SEC16A: variants seen among roughly 807,000 people sequenced by gnomAD.
SEC16A encodes the protein protein transport protein Sec16A.
SEC16A carries 110 observed loss-of-function variants against 221.9 expected under a neutral mutation model. That is an observed-to-expected ratio of 0.50 (90% CI 0.42 to 0.58). SEC16A has a LOEUF of 0.58. Among genes scored for constraint, SEC16A ranks in the 20% least tolerant of loss-of-function variants. The pLI, the probability that SEC16A is intolerant of heterozygous loss-of-function variation, is 0.00. For synonymous variants in SEC16A, 1,393 were observed against 1,257.7 expected (o/e 1.11, Z -2.28); for missense variants, 3,165 against 3,097.8 (o/e 1.02, Z -0.52).
At position 136,476,260 on chromosome 9, in the gene SEC16A, G is replaced by T; in HGVS notation, c.1356C>A (p.Ser452Arg). 6.2e-7 allele frequency: 1 copy of T among 1,613,352 alleles called. No homozygotes were observed. The highest frequency in any genetic ancestry group is 1.1e-5 in the South Asian group (1 of 91,078). Reference sequence around the variant, plus strand: ...TCTCAACATTCTCATACTGCGAGCCGCTGGCATCCGGCACCCCTGTGCTCG... The same window carrying T: ...TCTCAACATTCTCATACTGCGAGCCTCTGGCATCCGGCACCCCTGTGCTCG... ...DTASTGVPDA[S>R]GSQYENVENL... The change falls in exon 3 of 32, where the codon AGC becomes AGA. Residue 452 changes from serine (S) to arginine (R), a missense_variant. Around this residue, in one of 3 missense-constraint regions of SEC16A, gnomAD observed 2,030 missense variants for 1,923.1 expected, o/e 1.06. Transcript: ENST00000684901.
intron 17 of SEC16A, among the ~76,000 whole-genome samples, chr9:136,458,689 T>C (rs1839060732): frequency 6.6e-6 from 1 of 150,890 alleles, no homozygotes; most frequent in South Asian, 2.1e-4. Context: ...ATCCCAACAC[T>C]CTGGGAGGCT....
intron 23 of SEC16A, among the ~76,000 whole-genome samples, chr9:136,449,400 C>T (rs1837475378): frequency 6.6e-6 from 1 of 152,242 alleles, no homozygotes; most frequent in African/African-American, 2.4e-5. Context: ...CAGGCACCCA[C>T]CACCATGCAT....
intron 2 of SEC16A, among the ~76,000 whole-genome samples, 114 bp downstream of exon 2, chr9:136,478,595 G>A (rs1841944903): frequency 6.6e-6 from 1 of 151,984 alleles, no homozygotes; most frequent in Non-Finnish European, 1.5e-5. Context: ...CAGCACTTTG[G>A]GAGGTCAAGG....
At position 136,459,060 on chromosome 9, in the gene SEC16A, T is replaced by C. The variant is rs558448108; in HGVS notation, c.5409+74A>G. The stretch of plus-strand genomic sequence containing the variant: ...TTTTTCGATACCAATTCAAACAATC[T>C]AAGTAGCCAAAAGCTTGTTAGCACT... On this transcript the variant is annotated intron_variant, in intron 17 of 31. Transcript: ENST00000684901. The surrounding 1 kb of genome is among the most constrained non-coding windows in gnomAD (Gnocchi z 6.1). The C allele has an allele frequency of 9.3e-7, 1 of 1,077,876 alleles. No individual in the cohort carries two copies. The highest frequency in any genetic ancestry group is 1.6e-5 in the South Asian group (1 of 62,078). 66.8% of individuals were successfully genotyped at this position (1,077,876 alleles called of 1,614,324 possible).
chr9:136,457,334 T>A, intron 18 of SEC16A, 110 bp downstream of exon 18: 1 of 1,265,282 alleles, frequency 7.9e-7, no homozygotes. Flanking sequence ...TCTGAGCGCC[T>A]ACCACAATGC....
At chr9:136,484,681 A>G (rs1193427189), upstream of SEC16A, 3 of 1,366,340 alleles carry the variant, frequency 2.2e-6, no homozygotes, top group Non-Finnish European at 2.9e-6. Context: ...CCACGCCAGC[A>G]GGGCCGCAGG....
intron 8 of SEC16A, 78 bp downstream of exon 8, chr9:136,465,884 C>T (rs1840075605): frequency 1.4e-6 from 2 of 1,419,700 alleles, no homozygotes; most frequent in Non-Finnish European, 1.9e-6. Flanking sequence ...CCAGCCCTGA[C>T]TCCCGTGTTC....
rs1456647638 is a variant in SEC16A, at chr9:136,474,440, T to C, written c.3176A>G (p.Gln1059Arg). Residue 1059 changes from glutamine to arginine, a missense_variant, in exon 3 of 32, where the codon CAG (glutamine) becomes CGG (arginine). Physicochemically the swap from Gln to Arg is conservative, Grantham distance 43 (BLOSUM62 1). Around this residue, in one of 3 missense-constraint regions of SEC16A, gnomAD observed 2,030 missense variants for 1,923.1 expected, o/e 1.06. Transcript: ENST00000684901. ...QGQPGLERAQQELVPPQQQAS... is the reference protein window; with the variant it reads ...QGQPGLERAQRELVPPQQQAS... Reference sequence around the variant, plus strand: ...CTGTTGCTGGGGTGGCACCAGCTCCTGCTGGGCTCTTTCGAGGCCAGGCTG... The same window carrying C: ...CTGTTGCTGGGGTGGCACCAGCTCCCGCTGGGCTCTTTCGAGGCCAGGCTG... 1.9e-6 allele frequency: 3 copies of C among 1,613,138 alleles called. No homozygotes were observed. The Admixed American group carries it at 5.0e-5, about 27-fold the overall frequency.
chr9:136,459,481 T>C lies in SEC16A; in HGVS notation c.5266A>G (p.Lys1756Glu), dbSNP rs781393369. The change falls in exon 16 of 32, where the codon AAA (lysine) becomes GAA (glutamate). Residue 1756 changes from lysine (K) to glutamate (E), a missense_variant. By Grantham distance (56) the Lys-to-Glu change is moderately conservative (BLOSUM62 1). This residue lies in a region of SEC16A where 1,088 missense variants were observed against 1,089.6 expected (regional missense o/e 1.00). Coordinates refer to ENST00000684901, the MANE Select transcript of SEC16A (RefSeq NM_014866.2). This position sits in a 1 kb window ranked among gnomAD's most constrained non-coding sequence, Gnocchi z 6.1. ...CCGATTAAGACAAGCTTTGTAGTTTTCTTCGTGTAAACACCAAATCCCGCC... is the reference window on the plus strand; with the variant it reads ...CCGATTAAGACAAGCTTTGTAGTTTCCTTCGTGTAAACACCAAATCCCGCC... ...AQAGFGVYTK[K>E]TTKLVLIGSN... 6.8e-6 allele frequency: 11 copies of C among 1,608,168 alleles called. No individual in the cohort carries two copies.
At chr9:136,445,791 T>A in intron 28 of SEC16A, 72 bp from the exon 29 acceptor site, 5 of 1,308,840 alleles carry the variant, frequency 3.8e-6, no homozygotes, top group Non-Finnish European at 5.3e-6. Context: ...GGCCAAAAAA[T>A]ATGAAACTGT....
rs766710453 is a variant in SEC16A, at chr9:136,476,839, G to A, written c.777C>T (p.Gly259=). Residue 259 remains glycine, a synonymous_variant, in exon 3 of 32, where the codon GGC becomes GGT. Coordinates refer to ENST00000684901, the MANE Select transcript of SEC16A (RefSeq NM_014866.2). The part of the protein sequence containing the change: ...HFPTPSILHQ[G]PGHEQHSPLV... The stretch of plus-strand genomic sequence containing the variant: ...GAGGGCTGTGTTGCTCATGACCAGG[G>A]CCCTGATGTAGGATGGACGGGGTGG... 3.7e-6 allele frequency: 6 copies of A among 1,612,584 alleles called. No individual in the cohort carries two copies. Among genetic ancestry groups the A allele is most frequent in the Non-Finnish European group, 4.2e-6 (5 of 1,179,280 alleles).
At position 136,475,436 on chromosome 9, in the gene SEC16A, G is replaced by C. The variant is rs377299400; in HGVS notation, c.2180C>G (p.Ala727Gly). The change falls in exon 3 of 32, where the codon GCG (alanine) becomes GGG (glycine). Residue 727 changes from alanine to glycine, a missense_variant. By Grantham distance (60) the Ala-to-Gly change is moderately conservative. Around this residue, in one of 3 missense-constraint regions of SEC16A, gnomAD observed 2,030 missense variants for 1,923.1 expected, o/e 1.06. Coordinates refer to ENST00000684901, the MANE Select transcript of SEC16A (RefSeq NM_014866.2). The surrounding 1 kb of genome is among the most constrained non-coding windows in gnomAD (Gnocchi z 5.0). ...TCCAAAATCTGGCAGCTCACTTTGCGCCCACAGAGTCGTTGCTGGGCTCTC... is the reference window on the plus strand; with the variant it reads ...TCCAAAATCTGGCAGCTCACTTTGCCCCCACAGAGTCGTTGCTGGGCTCTC... Reference protein sequence around the residue: ...KCESPATTLWAQSELPDFGGN... With the variant: ...KCESPATTLWGQSELPDFGGN... 3 of 1,610,402 alleles carry C rather than the reference G, an allele frequency of 1.9e-6. No individual in the cohort carries two copies. Among genetic ancestry groups the C allele is most frequent in the Admixed American group, 1.7e-5 (1 of 59,646 alleles).
rs1840126693 is a variant in SEC16A, at chr9:136,466,183, A to C, written c.4129-47T>G. 1 of 1,569,412 alleles carries C rather than the reference A, an allele frequency of 6.4e-7. No individual in the cohort carries two copies. The highest frequency in any genetic ancestry group is 1.4e-5 in the African/African-American group (1 of 73,968). ...GCAAAATCAATTCCCCAGGCACAGC[A>C]GTAAAACTTTAGGTACATTGCAAAC... On this transcript the variant is annotated intron_variant, in intron 7 of 31. Transcript: ENST00000684901. The surrounding 1 kb of genome is among the most constrained non-coding windows in gnomAD (Gnocchi z 5.5).
chr9:136,464,317 A>AT, intron 9 of SEC16A, 103 bp downstream of exon 9: 1 of 1,106,386 alleles, frequency 9.0e-7, no homozygotes, highest in East Asian at 2.6e-5. Context: ...CCAAGGACGT[A>AT]TGTCCAGAGA....
In SEC16A at chr9:136,474,481, C is replaced by T. The variant is rs556778009; in HGVS notation, c.3135G>A (p.Thr1045=). 2.0e-5 allele frequency: 32 copies of T among 1,613,086 alleles called. No individual in the cohort carries two copies. Among genetic ancestry groups the T allele is most frequent in the Non-Finnish European group, 2.5e-5 (30 of 1,179,874 alleles). ...GGCCAGGCTGGCCCTGGGCATCTTT[C>T]GTGACCTGCTGATAAAAACGGTCAA... The part of the protein sequence containing the change: ...PNLDRFYQQV[T]KDAQGQPGLE... Residue 1045 remains threonine (T), a synonymous_variant, in exon 3 of 32, where the codon ACG becomes ACA. Coordinates refer to ENST00000684901, the MANE Select transcript of SEC16A (RefSeq NM_014866.2).
Position 136,477,028 on chromosome 9 carries a change from G to A in SEC16A, c.588C>T (p.Val196=), listed in dbSNP as rs781252351. Residue 196 remains valine (V), a synonymous_variant, in exon 3 of 32, where the codon GTC becomes GTT. Transcript: ENST00000684901. ...LSRQNPHDGV[V]TPAASPSLPQ... ...GGAGGGAAGGGGATGCTGCTGGGGT[G>A]ACCACACCGTCATGTGGGTTTTGCC... 3.1e-6 allele frequency: 5 copies of A among 1,613,668 alleles called. No individual in the cohort carries two copies. The Admixed American group carries it at 5.0e-5, about 16-fold the overall frequency.
rs1432970862 is a variant in SEC16A, at chr9:136,477,190, T to A, written c.426A>T (p.Ala142=). Residue 142 remains alanine (A), a synonymous_variant, in exon 3 of 32, where the codon GCA becomes GCT. Coordinates refer to ENST00000684901, the MANE Select transcript of SEC16A (RefSeq NM_014866.2). ...APPGPEMNRS[A]EVGPSSEPEV... is the part of the protein sequence containing the mutation. ...CAGGCTCTGAACTGGGACCGACCTC[T>A]GCACTCCTGTTCATCTCAGGCCCAG... 1 of 1,613,762 alleles carries A rather than the reference T, an allele frequency of 6.2e-7. No homozygotes were observed. The highest frequency in any genetic ancestry group is 8.5e-7 in the Non-Finnish European group (1 of 1,179,888).
At position 136,457,651 on chromosome 9, in the gene SEC16A, C is replaced by G; in HGVS notation, c.5410-67G>C. On this transcript the variant is annotated intron_variant, in intron 17 of 31. Coordinates refer to ENST00000684901, the MANE Select transcript of SEC16A (RefSeq NM_014866.2). ...TCCGAGCATCGCCGATGGACAAAGC[C>G]TTGTACTGCCCTGAGGCTCCCCTGC... The G allele has an allele frequency of 3.3e-6, 5 of 1,537,966 alleles. No individual in the cohort carries two copies. The Admixed American group carries it at 9.6e-5, about 30-fold the overall frequency.
At position 136,468,454 on chromosome 9, in the gene SEC16A, A is replaced by C. The variant is rs1840427929; in HGVS notation, c.3763T>G (p.Tyr1255Asp). The C allele has an allele frequency of 6.2e-7, 1 of 1,613,572 alleles. No homozygotes were observed. The highest frequency in any genetic ancestry group is 8.5e-7 in the Non-Finnish European group (1 of 1,179,514). Residue 1255 changes from tyrosine to aspartate, a missense_variant, in exon 5 of 32, where the codon TAC becomes GAC. Coordinates refer to ENST00000684901, the MANE Select transcript of SEC16A (RefSeq NM_014866.2). ...SKSGWSSQSDYYASYYSSQYD... is the reference protein window; with the variant it reads ...SKSGWSSQSDDYASYYSSQYD... ...TGGCTGGAGTAATAGCTTGCATAGTAATCGCTCTGACTGCTCCATCCACTT... is the reference window on the plus strand; with the variant it reads ...TGGCTGGAGTAATAGCTTGCATAGTCATCGCTCTGACTGCTCCATCCACTT...
Sources: allele counts gnomAD v4.1 joint callset (sites outside exome capture counted in the v4.1 genomes callset), GRCh38; gene constraint gnomAD v4.1.1; regional missense constraint gnomAD v4.1.1; non-coding constraint Gnocchi (gnomAD v3.1); transcripts MANE v1.5; gene names NCBI Gene and HGNC (gene_info 2026-07-23, HGNC 2026-07-21).